The following FAAH2 variants were observed in gnomAD, a reference collection of about 807,000 sequenced individuals.
FAAH2 encodes fatty acid amide hydrolase 2.
A neutral mutation model predicts 36.9 loss-of-function variants in FAAH2; 60 were observed. The ratio of observed to expected loss-of-function variants is 1.63; its 90% confidence interval spans 1.32 to 2.02. The LOEUF (loss-of-function observed/expected upper bound fraction) is 2.02, where lower values mean the gene tolerates loss of function less well. Ranked by LOEUF, FAAH2 falls within the 30% of genes most tolerant of loss-of-function variation. The pLI is 0.00. For synonymous variants in FAAH2, 214 were observed against 143.8 expected, an observed-to-expected ratio of 1.49 and a Z score of -3.49; for missense variants, 689 against 397.5, an observed-to-expected ratio of 1.73 and a Z score of -6.23.
intron 7 of FAAH2, among the ~76,000 whole-genome samples, chrX:57,425,202 T>C (rs1353574869): frequency 9.0e-6 from 1 of 111,640 alleles, no homozygotes; most frequent in African/African-American, 3.2e-5. Flanking sequence ...AAAAAAAGCC[T>C]TCAAAAAGTT....
At chrX:57,232,882 T>C in the FAAH2 span, among the ~76,000 whole-genome samples, 1 of 112,496 alleles carries the variant, frequency 8.9e-6, no homozygotes, top group East Asian at 2.8e-4. Flanking sequence ...TTTTTTATGT[T>C]GGCCTACCAG....
intron 7 of FAAH2, among the ~76,000 whole-genome samples, chrX:57,386,316 C>A (rs60948973): frequency 0.082 from 9,095 of 110,661 alleles, 885 homozygotes; most frequent in African/African-American, 0.27. Flanking sequence ...TATAAGTGAA[C>A]AATAAAAACA....
chrX:57,236,521 G>C, the FAAH2 span, among the ~76,000 whole-genome samples: 1 of 111,772 alleles, frequency 8.9e-6, no homozygotes, highest in African/African-American at 3.2e-5. Flanking sequence ...CTTTCTTCTT[G>C]ATAGTAGCCA....
chrX:57,419,037 G>A (rs1343666598), intron 7 of FAAH2, among the ~76,000 whole-genome samples: 4 of 105,842 alleles, frequency 3.8e-5, no homozygotes, highest in Non-Finnish European at 7.8e-5. Flanking sequence ...TCCCTACAAA[G>A]GACATGAACT....
At chrX:57,271,630 G>A in the FAAH2 span, among the ~76,000 whole-genome samples, 2 of 111,939 alleles carry the variant, frequency 1.8e-5, no homozygotes, top group African/African-American at 6.5e-5. Context: ...AACAGGGTCG[G>A]GAGTGGACCT....
intron 7 of FAAH2, among the ~76,000 whole-genome samples, chrX:57,412,991 A>G (rs1433987180): frequency 8.9e-6 from 1 of 111,949 alleles, no homozygotes; most frequent in African/African-American, 3.2e-5. Context: ...CGAGCTTTTT[A>G]TTTCATATGT....
At chrX:57,242,540 C>T in the FAAH2 span, among the ~76,000 whole-genome samples, 1 of 111,909 alleles carries the variant, frequency 8.9e-6, no homozygotes, top group Admixed American at 9.4e-5. Context: ...GTGATTTCTG[C>T]ATTTCCAACT....
At chrX:57,418,308 T>G (rs2055900666) in intron 7 of FAAH2, among the ~76,000 whole-genome samples, 1 of 111,940 alleles carries the variant, frequency 8.9e-6, no homozygotes, top group Non-Finnish European at 1.9e-5. Context: ...GCTCAGTGTC[T>G]GCCCAAACTG....
intron 7 of FAAH2, among the ~76,000 whole-genome samples, chrX:57,431,477 T>C (rs1419557110): frequency 8.9e-6 from 1 of 111,831 alleles, no homozygotes; most frequent in Non-Finnish European, 1.9e-5. Flanking sequence ...CCAGTTAGTA[T>C]TCCAAGTCAG....
At chrX:57,340,594 C>T (rs2053662022) in intron 4 of FAAH2, among the ~76,000 whole-genome samples, 1 of 111,898 alleles carries the variant, frequency 8.9e-6, no homozygotes, top group Non-Finnish European at 1.9e-5. Flanking sequence ...AAATACAACA[C>T]GGAATGCTAT....
chrX:57,216,537 TATATACGTATATGTATATATATATATAC>T, the FAAH2 span, among the ~76,000 whole-genome samples: 7 of 45,377 alleles, frequency 1.5e-4, no homozygotes, highest in African/African-American at 2.3e-4. Context: ...TATATATATA[TATATACGTATATGTATATATATATATAC>T]GTATATGTAT....
At chrX:57,415,187 G>C (rs1262096456) in intron 7 of FAAH2, among the ~76,000 whole-genome samples, 1 of 109,554 alleles carries the variant, frequency 9.1e-6, no homozygotes, top group Non-Finnish European at 1.9e-5. Flanking sequence ...ACAGCTCCTG[G>C]ATTCGTTGAT....
the FAAH2 span, chrX:57,137,362 G>T: frequency 4.0e-6 from 3 of 757,108 alleles, no homozygotes; most frequent in Non-Finnish European, 4.7e-6. Context: ...CATAGATGAG[G>T]AGCGTGTGTA....
chrX:57,343,030 G>A (rs2053726501), intron 5 of FAAH2, among the ~76,000 whole-genome samples: 1 of 111,901 alleles, frequency 8.9e-6, no homozygotes, highest in African/African-American at 3.2e-5. Flanking sequence ...CACTGTTGAT[G>A]GGAAGCTGGA....
intron 7 of FAAH2, among the ~76,000 whole-genome samples, 172 bp downstream of exon 7, chrX:57,381,201 T>C (rs1199271912): frequency 9.0e-6 from 1 of 111,708 alleles, no homozygotes; most frequent in Non-Finnish European, 1.9e-5. Flanking sequence ...ATTTTAGATA[T>C]TTTATTTTTT....
chrX:57,320,628 A>G (rs1185307804), intron 3 of FAAH2, among the ~76,000 whole-genome samples: 5 of 112,670 alleles, frequency 4.4e-5, no homozygotes, highest in Non-Finnish European at 9.4e-5. Context: ...TCAAGGATCT[A>G]GAACTAGAAA....
At chrX:57,167,569 T>A in the FAAH2 span, among the ~76,000 whole-genome samples, 1 of 111,230 alleles carries the variant, frequency 9.0e-6, no homozygotes, top group Non-Finnish European at 1.9e-5. Flanking sequence ...TACTTTTGAT[T>A]TTTTTTTGTC....
At chrX:57,374,753 G>C (rs2054628709) in intron 5 of FAAH2, among the ~76,000 whole-genome samples, 1 of 111,309 alleles carries the variant, frequency 9.0e-6, no homozygotes, top group Admixed American at 9.6e-5. Flanking sequence ...GTGTTGAATA[G>C]AGGTGGTGAG....
chrX:57,379,716 A>G (rs2054788828), intron 6 of FAAH2, among the ~76,000 whole-genome samples: 1 of 110,193 alleles, frequency 9.1e-6, no homozygotes, highest in South Asian at 3.8e-4. Context: ...TGAATTATTT[A>G]TACTCATTAA....
Sources: allele counts gnomAD v4.1 joint callset (sites outside exome capture counted in the v4.1 genomes callset), GRCh38; gene constraint gnomAD v4.1.1; transcripts MANE v1.5; gene names NCBI Gene and HGNC (gene_info 2026-07-23, HGNC 2026-07-21).